The following SPMIP4 variants were observed in gnomAD, a reference collection of about 807,000 sequenced individuals.
The protein encoded by SPMIP4 is sperm microtubule inner protein 4.
the SPMIP4 span, chr7:25,136,673 C>T: frequency 2.5e-6 from 4 of 1,614,166 alleles, no homozygotes; most frequent in Non-Finnish European, 3.4e-6. This position sits in a 1 kb window ranked among gnomAD's most constrained non-coding sequence, Gnocchi z 5.7. Flanking sequence ...GGAGTACAAT[C>T]TGGACAGGAA....
chr7:25,148,815 A>G, the SPMIP4 span, among the ~76,000 whole-genome samples: 2 of 152,120 alleles, frequency 1.3e-5, no homozygotes, highest in Non-Finnish European at 2.9e-5. Flanking sequence ...TTTTTATTTA[A>G]TATTTTAGAA....
chr7:25,137,376 G>C, the SPMIP4 span, among the ~76,000 whole-genome samples: 3 of 150,202 alleles, frequency 2.0e-5, no homozygotes, highest in Non-Finnish European at 4.4e-5. Context: ...GGTTTTGGCA[G>C]GTTTTGACAG....
chr7:25,132,064 A>G, the SPMIP4 span, among the ~76,000 whole-genome samples: 1 of 152,148 alleles, frequency 6.6e-6, no homozygotes, highest in Non-Finnish European at 1.5e-5. This position sits in a 1 kb window ranked among gnomAD's most constrained non-coding sequence, Gnocchi z 5.0. Context: ...TAGAGTGAAA[A>G]CAGATCTCCC....
the SPMIP4 span, among the ~76,000 whole-genome samples, chr7:25,147,185 T>G: frequency 6.6e-6 from 1 of 152,304 alleles, no homozygotes; most frequent in Admixed American, 6.5e-5. Flanking sequence ...GCTTAGGTAC[T>G]CTGGAGACTG....
At chr7:25,168,610 T>G in the SPMIP4 span, 3 of 659,650 alleles carry the variant, frequency 4.5e-6, no homozygotes, top group Non-Finnish European at 7.4e-6. Context: ...TCAGGTAGAT[T>G]ATGATACTGG....
chr7:25,136,550 T>G, the SPMIP4 span: 110 of 1,614,208 alleles, frequency 6.8e-5, no homozygotes, highest in Admixed American at 4.7e-4. The surrounding 1 kb of genome is among the most constrained non-coding windows in gnomAD (Gnocchi z 5.7). Flanking sequence ...TCTTCTATGA[T>G]CTTCTCTTCA....
At chr7:25,140,225 T>C in the SPMIP4 span, among the ~76,000 whole-genome samples, 4 of 152,246 alleles carry the variant, frequency 2.6e-5, no homozygotes, top group Non-Finnish European at 5.9e-5. Context: ...AACCTGCTCC[T>C]GGTGTTATGA....
chr7:25,168,548 C>A, the SPMIP4 span: 1 of 1,136,398 alleles, frequency 8.8e-7, no homozygotes, highest in Non-Finnish European at 1.2e-6. Flanking sequence ...AAAATTCCTA[C>A]CACTTCATAA....
chr7:25,140,232 AT>A, the SPMIP4 span, among the ~76,000 whole-genome samples: 1 of 152,236 alleles, frequency 6.6e-6, no homozygotes, highest in Non-Finnish European at 1.5e-5. Flanking sequence ...TCCTGGTGTT[AT>A]GATTTTATAT....
chr7:25,145,607 G>T, the SPMIP4 span, among the ~76,000 whole-genome samples: 1 of 152,160 alleles, frequency 6.6e-6, no homozygotes, highest in Non-Finnish European at 1.5e-5. Flanking sequence ...TAAGCCTACG[G>T]CAGAAAGGAA....
chr7:25,129,966 G>A, the SPMIP4 span, among the ~76,000 whole-genome samples: 3 of 152,030 alleles, frequency 2.0e-5, no homozygotes, highest in African/African-American at 7.2e-5. Context: ...GGCTGGGTGT[G>A]GTGGCTCATG....
the SPMIP4 span, among the ~76,000 whole-genome samples, chr7:25,173,059 G>C: frequency 6.6e-6 from 1 of 151,246 alleles, no homozygotes; most frequent in African/African-American, 2.4e-5. The surrounding 1 kb of genome is among the most constrained non-coding windows in gnomAD (Gnocchi z 4.4). Flanking sequence ...GGGAGAGAGA[G>C]GGGGAGAGAA....
chr7:25,173,762 A>G, the SPMIP4 span, among the ~76,000 whole-genome samples: 46 of 152,310 alleles, frequency 3.0e-4, 1 homozygote, highest in South Asian at 6.2e-3. This position sits in a 1 kb window ranked among gnomAD's most constrained non-coding sequence, Gnocchi z 4.4. Context: ...AAATGAGTCA[A>G]TTTCTCAACA....
the SPMIP4 span, among the ~76,000 whole-genome samples, chr7:25,132,467 A>G: frequency 3.9e-5 from 6 of 152,204 alleles, no homozygotes; most frequent in African/African-American, 1.4e-4. The surrounding 1 kb of genome is among the most constrained non-coding windows in gnomAD (Gnocchi z 5.0). Context: ...TCAGTGCCTG[A>G]TACATTTGTT....
At chr7:25,136,238 G>A in the SPMIP4 span, 53 of 1,614,122 alleles carry the variant, frequency 3.3e-5, no homozygotes, top group African/African-American at 6.3e-4. This position sits in a 1 kb window ranked among gnomAD's most constrained non-coding sequence, Gnocchi z 5.7. Flanking sequence ...CTTAAAAAAT[G>A]TTCTAAAGTG....
chr7:25,146,866 C>T, the SPMIP4 span, among the ~76,000 whole-genome samples: 1 of 152,128 alleles, frequency 6.6e-6, no homozygotes, highest in Non-Finnish European at 1.5e-5. Flanking sequence ...AAAATGATTA[C>T]AAGGTAGATT....
At chr7:25,168,660 A>C in the SPMIP4 span, among the ~76,000 whole-genome samples, 1 of 152,044 alleles carries the variant, frequency 6.6e-6, no homozygotes, top group Non-Finnish European at 1.5e-5. Flanking sequence ...AATGAGGTTA[A>C]ATTTCTGAGG....
At chr7:25,149,367 G>GA in the SPMIP4 span, among the ~76,000 whole-genome samples, 13 of 151,994 alleles carry the variant, frequency 8.6e-5, no homozygotes, top group African/African-American at 3.1e-4. Flanking sequence ...AGATTAGAGA[G>GA]AAAAAAAGGT....
the SPMIP4 span, among the ~76,000 whole-genome samples, chr7:25,175,571 T>G: frequency 5.3e-5 from 8 of 152,342 alleles, no homozygotes; most frequent in African/African-American, 1.9e-4. Context: ...ATCTAAGTTG[T>G]ACCTGGATAC....
Sources: allele counts gnomAD v4.1 joint callset (sites outside exome capture counted in the v4.1 genomes callset), GRCh38; gene constraint gnomAD v4.1.1; non-coding constraint Gnocchi (gnomAD v3.1); transcripts MANE v1.5; gene names NCBI Gene and HGNC (gene_info 2026-07-23, HGNC 2026-07-21).